The following PSMD1 variants were observed in gnomAD, a reference collection of about 807,000 sequenced individuals.
PSMD1 encodes the protein 26S proteasome non-ATPase regulatory subunit 1.
Under a neutral mutation model 119.0 loss-of-function variants are expected in PSMD1, and 18 were observed. The observed-to-expected ratio is 0.15, with a 90% CI of 0.10 to 0.22. PSMD1 has a LOEUF of 0.22. Among genes scored for constraint, PSMD1 ranks in the 10% least tolerant of loss-of-function variants. The probability of loss-of-function intolerance (pLI) is 1.00; values close to 1 mark genes in which losing one functional copy is unlikely to be tolerated. For synonymous variants in PSMD1, 374 were observed against 396.6 expected, an observed-to-expected ratio of 0.94 and a Z score of 0.68; for missense variants, 702 against 1,158.5, an observed-to-expected ratio of 0.61 and a Z score of 5.72.
intron 19 of PSMD1, 137 bp from the exon 20 acceptor site, chr2:231,161,203 A>C: frequency 1.2e-6 from 1 of 818,942 alleles, no homozygotes; most frequent in South Asian, 2.0e-5. Flanking sequence ...TCACTCTGTC[A>C]CCCGAGCTTG....
intron 1 of PSMD1, among the ~76,000 whole-genome samples, chr2:231,058,104 C>T (rs531577641): frequency 6.6e-6 from 1 of 152,268 alleles, no homozygotes; most frequent in East Asian, 1.9e-4. Flanking sequence ...TGAAATAAGA[C>T]TTTTTGTCCC....
intron 9 of PSMD1, among the ~76,000 whole-genome samples, chr2:231,078,314 G>A (rs912402505): frequency 1.3e-5 from 2 of 152,156 alleles, no homozygotes; most frequent in African/African-American, 2.4e-5. Context: ...CAGAGGTGCA[G>A]CACTGCTCCT....
chr2:231,072,507 G>C (rs1694065198), intron 7 of PSMD1, 92 bp downstream of exon 7: 1 of 1,227,250 alleles, frequency 8.1e-7, no homozygotes, highest in Non-Finnish European at 1.2e-6. Flanking sequence ...CATATTCTAA[G>C]AATAAATTTT....
In PSMD1 at chr2:231,061,434, G is replaced by A. The variant is rs1693756064; in HGVS notation, c.60+124G>A. ...CCTAGCTGGCTTGTACCCAGTTACT[G>A]TAACCTAGCCAGAGAGGACAGTATT... On this transcript the variant is annotated intron_variant, in intron 2 of 24. Coordinates refer to ENST00000308696, the MANE Select transcript of PSMD1 (RefSeq NM_002807.4). 9.9e-6 allele frequency: 7 copies of A among 710,382 alleles called. No individual in the cohort carries two copies. In the South Asian group the frequency reaches 1.5e-4, roughly 16 times the overall value. 44.0% of individuals were successfully genotyped at this position (710,382 alleles called of 1,614,324 possible). A position where few individuals can be genotyped will look rare whatever the true frequency, so the allele number is the denominator to read the frequency against.
chr2:231,087,238 A>G (rs1694475130), intron 16 of PSMD1, 57 bp downstream of exon 16: 1 of 1,432,082 alleles, frequency 7.0e-7, no homozygotes, highest in Non-Finnish European at 9.8e-7. Context: ...GAAATGTAGT[A>G]GTCACTACCG....
intron 8 of PSMD1, among the ~76,000 whole-genome samples, 187 bp from the exon 9 acceptor site, chr2:231,076,847 T>G (rs1003372214): frequency 1.3e-5 from 2 of 152,210 alleles, no homozygotes; most frequent in Non-Finnish European, 2.9e-5. Flanking sequence ...TAGCTGGGGA[T>G]GAATTGTATT....
chr2:231,121,114 T>C (rs576811890), intron 16 of PSMD1, among the ~76,000 whole-genome samples: 152 of 152,360 alleles, frequency 1.0e-3, no homozygotes, highest in African/African-American at 3.5e-3. Context: ...TGCAATAATG[T>C]ATTAGATAGT....
At chr2:231,084,955 A>G (rs1054881012) in intron 14 of PSMD1, 64 bp from the exon 15 acceptor site, 13 of 1,344,024 alleles carry the variant, frequency 9.7e-6, no homozygotes, top group African/African-American at 1.4e-5. Context: ...CACTATGCCT[A>G]TTAGACTGTA....
rs1400095124 is a variant in PSMD1 at position 231,166,013 on chromosome 2, A to G, written c.2711A>G (p.Lys904Arg). 1 of 1,611,930 alleles carries G rather than the reference A, an allele frequency of 6.2e-7. No homozygotes were observed. The stretch of plus-strand genomic sequence containing the variant: ...GAGACCTGTAGATACCAGCCTTTCA[A>G]ACCAGTAAGTTACCAGTGACTCTTA... ...MPETCRYQPF[K>R]PLSIGGIIIL... Residue 904 changes from lysine (K) to arginine (R), a missense_variant, in exon 23 of 25, where the codon AAA becomes AGA. By Grantham distance (26) the Lys-to-Arg change is conservative. Transcript: ENST00000308696.
At chr2:231,166,913 G>A (rs145675871) in intron 23 of PSMD1, among the ~76,000 whole-genome samples, 89 of 152,268 alleles carry the variant, frequency 5.8e-4, no homozygotes, top group African/African-American at 2.0e-3. Context: ...TGTATGTAGT[G>A]GTTTAGAGCT....
intron 21 of PSMD1, among the ~76,000 whole-genome samples, chr2:231,164,734 G>A (rs1452226126): frequency 1.3e-5 from 2 of 151,960 alleles, no homozygotes; most frequent in Non-Finnish European, 2.9e-5. Context: ...CTCACCCACT[G>A]TGTATTAGCA....
intron 16 of PSMD1, among the ~76,000 whole-genome samples, chr2:231,135,812 CAATT>C (rs1695953013): frequency 6.6e-6 from 1 of 152,064 alleles, no homozygotes. Flanking sequence ...ATACTAGTGA[CAATT>C]AGTATTATTT....
chr2:231,105,912 T>A (rs1694963168), intron 16 of PSMD1, among the ~76,000 whole-genome samples: 1 of 152,140 alleles, frequency 6.6e-6, no homozygotes, highest in Admixed American at 6.6e-5. Flanking sequence ...TCTTTGTGTT[T>A]CTGTCTGGGT....
rs151234264 is a variant in PSMD1 at position 231,077,788 on chromosome 2, G to A, written c.1071+626G>A. Reference sequence around the variant, plus strand: ...TCTCTTATTTATCCAGTACCCCTTCGCAAAGTCATTTTTTTATAGCCATAT... The same window carrying A: ...TCTCTTATTTATCCAGTACCCCTTCACAAAGTCATTTTTTTATAGCCATAT... On this transcript the variant is annotated intron_variant, in intron 9 of 24. Transcript: ENST00000308696. Among the ~76,000 whole-genome samples the A allele has an allele frequency of 1.6e-3, 245 of 151,906 alleles. 1 individual carries two copies. The highest frequency in any genetic ancestry group is 5.6e-3 in the African/African-American group (231 of 41,478).
At chr2:231,127,482 G>A (rs970615192) in intron 16 of PSMD1, among the ~76,000 whole-genome samples, 7 of 152,058 alleles carry the variant, frequency 4.6e-5, no homozygotes, top group African/African-American at 1.7e-4. Flanking sequence ...AGCCTCCCAA[G>A]TAGCTGGGAT....
At chr2:231,135,559 A>G (rs1212978091) in intron 16 of PSMD1, among the ~76,000 whole-genome samples, 7 of 152,146 alleles carry the variant, frequency 4.6e-5, no homozygotes, top group Admixed American at 4.6e-4. Context: ...CTCAGTACAT[A>G]ATAACTGATA....
At chr2:231,071,185 A>C (rs1297513652) in intron 6 of PSMD1, among the ~76,000 whole-genome samples, 1 of 152,046 alleles carries the variant, frequency 6.6e-6, no homozygotes, top group Non-Finnish European at 1.5e-5. Context: ...CATGAAAAAT[A>C]GTAGTTCCCT....
intron 12 of PSMD1, 69 bp downstream of exon 12, chr2:231,080,383 T>G: frequency 1.6e-6 from 2 of 1,282,536 alleles, no homozygotes; most frequent in Non-Finnish European, 2.1e-6. Context: ...TGCCACATTA[T>G]TTTAGTGACT....
intron 16 of PSMD1, among the ~76,000 whole-genome samples, chr2:231,106,473 C>G (rs538314944): frequency 6.6e-6 from 1 of 152,048 alleles, no homozygotes; most frequent in South Asian, 2.1e-4. Flanking sequence ...CAAAAGTTAG[C>G]CAGGTGTGGG....
Sources: allele counts gnomAD v4.1 joint callset (sites outside exome capture counted in the v4.1 genomes callset), GRCh38; gene constraint gnomAD v4.1.1; transcripts MANE v1.5; gene names NCBI Gene and HGNC (gene_info 2026-07-23, HGNC 2026-07-21).